Variants in ZMIZ1 observed in about 807,000 individuals in gnomAD.
The protein encoded by ZMIZ1 is zinc finger MIZ-type containing 1.
A neutral mutation model predicts 113.9 loss-of-function variants in ZMIZ1; 17 were observed. The ratio of observed to expected loss-of-function variants is 0.15; its 90% confidence interval spans 0.10 to 0.22. ZMIZ1 has a LOEUF of 0.22. Among genes scored for constraint, ZMIZ1 ranks in the 10% least tolerant of loss-of-function variants. ZMIZ1 has a pLI of 1.00. For synonymous variants in ZMIZ1, 607 were observed against 603.1 expected (o/e 1.01, Z -0.09); for missense variants, 1,059 against 1,477.8 (o/e 0.72, Z 4.65).
chr10:79,238,960 C>T (rs559474043), intron 7 of ZMIZ1, among the ~76,000 whole-genome samples: 16 of 152,252 alleles, frequency 1.1e-4, no homozygotes, highest in African/African-American at 3.6e-4. Context: ...TCTGTGACCC[C>T]GTGTGTGGAC....
intron 14 of ZMIZ1, 22 bp from the exon 15 acceptor site, chr10:79,298,384 C>T (rs775613518): frequency 9.4e-6 from 15 of 1,603,906 alleles, no homozygotes; most frequent in Middle Eastern, 1.7e-4. Flanking sequence ...ATAACTCGTG[C>T]GTGTCTTTTC....
chr10:79,196,547 C>T (rs529191443), intron 4 of ZMIZ1, among the ~76,000 whole-genome samples: 3 of 152,364 alleles, frequency 2.0e-5, no homozygotes, highest in East Asian at 1.9e-4. Context: ...GTCCAGCCGC[C>T]GGCCTCCAGA....
chr10:79,307,296 C>CAGG, intron 22 of ZMIZ1, 109 bp from the exon 23 acceptor site: 1 of 1,166,226 alleles, frequency 8.6e-7, no homozygotes, highest in Non-Finnish European at 1.2e-6. Context: ...ACTACAGCCT[C>CAGG]GCAAGAGGAA....
chr10:79,082,196 A>C (rs1287320510), intron 1 of ZMIZ1, among the ~76,000 whole-genome samples: 1 of 152,206 alleles, frequency 6.6e-6, no homozygotes, highest in Non-Finnish European at 1.5e-5. Context: ...GCCCACCAGA[A>C]ACACTCGTCC....
At chr10:79,239,298 G>A (rs182400718) in intron 7 of ZMIZ1, among the ~76,000 whole-genome samples, 2 of 152,078 alleles carry the variant, frequency 1.3e-5, no homozygotes, top group East Asian at 3.9e-4. Flanking sequence ...CCCGGTATGT[G>A]TGCATCCATT....
rs1843886406 is a variant in ZMIZ1, at chr10:79,114,177, T to C, written c.-336-4738T>C. On this transcript the variant is annotated intron_variant, in intron 1 of 24. Coordinates refer to ENST00000334512, the MANE Select transcript of ZMIZ1 (RefSeq NM_020338.4). ...CTGGCTCCCCAGGTTGCCGGAGTGA[T>C]CACTCTCCAGAAAACACCCCAGTGG... Among the ~76,000 whole-genome samples, 4 of 152,238 alleles carry C rather than the reference T, an allele frequency of 2.6e-5. No individual in the cohort carries two copies. In the South Asian group the frequency reaches 8.3e-4, roughly 31 times the overall value.
intron 8 of ZMIZ1, among the ~76,000 whole-genome samples, chr10:79,288,476 T>C (rs1258302118): frequency 6.6e-6 from 1 of 152,184 alleles, no homozygotes; most frequent in Non-Finnish European, 1.5e-5. Context: ...TGAGGCTCTT[T>C]CCTGTTGCCC....
chr10:79,307,737 A>T (rs1854825290), intron 23 of ZMIZ1, among the ~76,000 whole-genome samples, 166 bp downstream of exon 23: 1 of 152,144 alleles, frequency 6.6e-6, no homozygotes, highest in Admixed American at 6.5e-5. Context: ...GTGCCCTGTC[A>T]GTGTCCTTAG....
chr10:79,253,438 C>CT (rs1850670896), intron 7 of ZMIZ1, among the ~76,000 whole-genome samples: 1 of 152,132 alleles, frequency 6.6e-6, no homozygotes, highest in Non-Finnish European at 1.5e-5. Context: ...CCCCTTGGGG[C>CT]TTACGGGTAC....
At chr10:79,177,425 C>T (rs902757470) in intron 4 of ZMIZ1, among the ~76,000 whole-genome samples, 1 of 152,230 alleles carries the variant, frequency 6.6e-6, no homozygotes, top group African/African-American at 2.4e-5. Context: ...CCCTGTGCCC[C>T]CAGTTGACAA....
At chr10:79,076,574 G>A (rs1842482055) in intron 1 of ZMIZ1, among the ~76,000 whole-genome samples, 1 of 152,202 alleles carries the variant, frequency 6.6e-6, no homozygotes, top group African/African-American at 2.4e-5. Flanking sequence ...AGTGGCTCAT[G>A]CCTGTAATCT....
At chr10:79,197,079 G>C (rs1847862995) in intron 4 of ZMIZ1, among the ~76,000 whole-genome samples, 1 of 152,216 alleles carries the variant, frequency 6.6e-6, no homozygotes, top group Non-Finnish European at 1.5e-5. Flanking sequence ...CCTTTGTCCT[G>C]GTGGGCAGTG....
chr10:79,203,536 C>T (rs1848189008), intron 5 of ZMIZ1, among the ~76,000 whole-genome samples: 2 of 152,270 alleles, frequency 1.3e-5, no homozygotes, highest in South Asian at 4.1e-4. Flanking sequence ...GGGGCCCCGC[C>T]CTCCAATGGA....
At chr10:79,113,248 G>A (rs1291957067) in intron 1 of ZMIZ1, among the ~76,000 whole-genome samples, 1 of 152,222 alleles carries the variant, frequency 6.6e-6, no homozygotes, top group Non-Finnish European at 1.5e-5. Context: ...GTGGCAGGAG[G>A]GAGCCTGTCT....
chr10:79,213,851 A>G (rs768798797), intron 6 of ZMIZ1, among the ~76,000 whole-genome samples: 1 of 152,208 alleles, frequency 6.6e-6, no homozygotes, highest in African/African-American at 2.4e-5. Flanking sequence ...AATCAGAGAT[A>G]ATAATAATAA....
intron 7 of ZMIZ1, among the ~76,000 whole-genome samples, chr10:79,233,668 C>T (rs1849482001): frequency 6.6e-6 from 1 of 152,166 alleles, no homozygotes; most frequent in South Asian, 2.1e-4. Context: ...ATTTTTTTCC[C>T]CTCCTGGAGA....
intron 8 of ZMIZ1, among the ~76,000 whole-genome samples, chr10:79,289,482 T>C (rs1853317643): frequency 6.6e-6 from 1 of 152,176 alleles, no homozygotes; most frequent in Non-Finnish European, 1.5e-5. Flanking sequence ...GTCACACCAC[T>C]TCATCAGTTG....
chr10:79,095,037 G>C (rs1220752154), intron 1 of ZMIZ1, among the ~76,000 whole-genome samples: 1 of 151,928 alleles, frequency 6.6e-6, no homozygotes, highest in Non-Finnish European at 1.5e-5. Context: ...CCTTGGACCA[G>C]AGAGGGCTGT....
intron 7 of ZMIZ1, among the ~76,000 whole-genome samples, chr10:79,265,905 A>G (rs1851572802): frequency 6.6e-6 from 1 of 152,222 alleles, no homozygotes; most frequent in Admixed American, 6.5e-5. Context: ...TCAACGGAGC[A>G]GCCCAACAGG....
Sources: gnomAD v4.1 joint callset for allele counts (sites outside exome capture counted in the v4.1 genomes callset) on GRCh38, gnomAD v4.1.1 for gene constraint, MANE v1.5 for transcripts, NCBI Gene and HGNC (gene_info 2026-07-23, HGNC 2026-07-21) for gene names.